Variants in PDK1 observed in about 807,000 individuals in gnomAD.
PDK1 encodes the protein [Pyruvate dehydrogenase (acetyl-transferring)] kinase isozyme 1, mitochondrial.
In PDK1, 39 loss-of-function variants were observed where a neutral mutation model predicts 54.2. That is an observed-to-expected ratio of 0.72 (90% CI 0.56 to 0.94). PDK1 has a LOEUF of 0.94. Ranked by LOEUF, PDK1 falls within the 40% of genes least tolerant of loss-of-function variation. The pLI is 0.00. For synonymous variants in PDK1, 221 were observed against 207.1 expected, an observed-to-expected ratio of 1.07 and a Z score of -0.58; for missense variants, 552 against 566.0, an observed-to-expected ratio of 0.98 and a Z score of 0.25.
At chr2:172,565,115 T>A (rs1265022133) in intron 5 of PDK1, 42 bp downstream of exon 5, 1 of 1,169,318 alleles carries the variant, frequency 8.6e-7, no homozygotes, top group Non-Finnish European at 1.3e-6. Context: ...GATACAAAAA[T>A]CAAAATTATT....
At chr2:172,556,384 T>A (rs2149170590) in intron 1 of PDK1, 38 bp downstream of exon 1, 1 of 1,354,392 alleles carries the variant, frequency 7.4e-7, no homozygotes, top group Non-Finnish European at 9.6e-7. Flanking sequence ...TTTTGCGCGG[T>A]CCCGGGCGGG....
At chr2:172,668,904 TATAG>T in the PDK1 span, among the ~76,000 whole-genome samples, 761 of 69,792 alleles carry the variant, frequency 0.011, 1 homozygote, top group South Asian at 0.017. Context: ...CATATATATA[TATAG>T]AGAGAGAGAG....
At chr2:172,710,334 CTG>C in the PDK1 span, among the ~76,000 whole-genome samples, 2 of 152,178 alleles carry the variant, frequency 1.3e-5, no homozygotes, top group Non-Finnish European at 2.9e-5. Flanking sequence ...AACAAGAAGA[CTG>C]AAAGCATAAT....
At chr2:172,685,796 TTCC>T in the PDK1 span, among the ~76,000 whole-genome samples, 766 of 152,298 alleles carry the variant, frequency 5.0e-3, 6 homozygotes, top group East Asian at 0.023. Flanking sequence ...ACCTCCAAAA[TTCC>T]ATACCACCTC....
the PDK1 span, among the ~76,000 whole-genome samples, chr2:172,669,697 T>TTAATAGATG: frequency 6.6e-6 from 1 of 152,206 alleles, no homozygotes; most frequent in African/African-American, 2.4e-5. Flanking sequence ...AATAGCAAAT[T>TTAATAGATG]TAATAGATGT....
At position 172,586,144 on chromosome 2, in the gene PDK1, G is replaced by A. The variant is rs565262825; in HGVS notation, c.946-134G>A. 7.4e-4 allele frequency: 371 copies of A among 498,950 alleles called. 1 individual carries two copies. Among genetic ancestry groups the A allele is most frequent in the African/African-American group, 6.6e-3 (325 of 49,148 alleles). The allele number at this position is 498,950 out of a possible 1,614,324, so 30.9% of individuals were successfully genotyped here. A position where few individuals can be genotyped will look rare whatever the true frequency, so the allele number is the denominator to read the frequency against. ...ACTGCACTCCAGCCTGGGCGACAAA[G>A]CGAGACTCTGTCTCAAAAAAAAAAA... On this transcript the variant is annotated intron_variant, in intron 8 of 10. Transcript: ENST00000282077.
At chr2:172,722,207 A>G in the PDK1 span, among the ~76,000 whole-genome samples, 4 of 152,242 alleles carry the variant, frequency 2.6e-5, no homozygotes, top group Admixed American at 6.5e-5. Context: ...ACTGTGCAGA[A>G]TGGAACTCAT....
At position 172,584,560 on chromosome 2, in the gene PDK1, G is replaced by C. The variant is rs957750481; in HGVS notation, c.946-1718G>C. Among the ~76,000 whole-genome samples the C allele has an allele frequency of 2.0e-5, 3 of 147,676 alleles. No homozygotes were observed. The Admixed American group carries it at 2.0e-4, about 10-fold the overall frequency. On this transcript the variant is annotated intron_variant, in intron 8 of 10. Coordinates refer to ENST00000282077, the MANE Select transcript of PDK1 (RefSeq NM_002610.5). ...TATTCTGCATAGAGCTGTGATGGAT[G>C]TTCTCATATATACTTTGCATGCTTT...
chr2:172,599,965 C>T lies in PDK1; in HGVS notation c.*3996C>T, dbSNP rs892608378. On this transcript the variant is annotated 3_prime_UTR_variant, in exon 11 of 11. Coordinates refer to ENST00000282077, the MANE Select transcript of PDK1 (RefSeq NM_002610.5). ...TTCACCCCAGTAAAATAAACTTCCA[C>T]GTGAGAGTTGTGTTCATTCAAGGGT... 2.6e-5 allele frequency: 4 copies of T among 152,136 alleles called. No homozygotes were observed. The highest frequency in any genetic ancestry group is 6.6e-5 in the Admixed American group (1 of 15,260). 9.4% of individuals were successfully genotyped at this position (152,136 alleles called of 1,614,324 possible).
chr2:172,694,804 A>T, the PDK1 span, among the ~76,000 whole-genome samples: 1 of 152,176 alleles, frequency 6.6e-6, no homozygotes, highest in Admixed American at 6.5e-5. Flanking sequence ...TAATATTAGA[A>T]GTGTTTTAGT....
At chr2:172,693,151 G>A in the PDK1 span, among the ~76,000 whole-genome samples, 1 of 152,194 alleles carries the variant, frequency 6.6e-6, no homozygotes, top group Non-Finnish European at 1.5e-5. Flanking sequence ...CTGTGCCCGT[G>A]GCTAGCTCAG....
intron 8 of PDK1, among the ~76,000 whole-genome samples, chr2:172,581,533 T>A (rs1010141836): frequency 4.6e-5 from 7 of 152,172 alleles, no homozygotes; most frequent in African/African-American, 1.7e-4. Flanking sequence ...CTTGTAAAGG[T>A]CTCAAAAAGA....
At chr2:172,560,037 G>A (rs1688571394) in intron 2 of PDK1, among the ~76,000 whole-genome samples, 2 of 152,172 alleles carry the variant, frequency 1.3e-5, no homozygotes, top group Admixed American at 6.5e-5. Context: ...CAGAGATGGG[G>A]TTTTTCCATG....
At chr2:172,703,549 C>A in the PDK1 span, among the ~76,000 whole-genome samples, 1 of 151,936 alleles carries the variant, frequency 6.6e-6, no homozygotes, top group East Asian at 1.9e-4. Flanking sequence ...TCTGACCCAA[C>A]CCGACAATAA....
intron 5 of PDK1, 48 bp downstream of exon 5, chr2:172,565,121 T>C (rs1213127700): frequency 1.8e-6 from 2 of 1,098,604 alleles, no homozygotes; most frequent in African/African-American, 3.1e-5. Flanking sequence ...AAAATCAAAA[T>C]TATTGTTATT....
chr2:172,669,051 ATTTTTTTTT>A, the PDK1 span, among the ~76,000 whole-genome samples: 4 of 70,550 alleles, frequency 5.7e-5, 1 homozygote, highest in Admixed American at 3.9e-4. Flanking sequence ...GAATTTCCTG[ATTTTTTTTT>A]TTTTTTTTTT....
Position 172,558,825 on chromosome 2 carries a change from C to T in PDK1, c.314C>T (p.Pro105Leu), listed in dbSNP as rs765540973. Residue 105 changes from proline (P) to leucine (L), a missense_variant, in exon 2 of 11, where the codon CCA becomes CTA. Physicochemically the swap from Pro to Leu is moderately conservative, Grantham distance 98 (BLOSUM62 -3). Coordinates refer to ENST00000282077, the MANE Select transcript of PDK1 (RefSeq NM_002610.5). ...SLLPDNLLRT[P>L]SVQLVQSWYI... ...CTTCCAGATAATCTTCTCAGGACACCATCCGTTCAATTGGTACAAAGCTGG... is the reference window on the plus strand; with the variant it reads ...CTTCCAGATAATCTTCTCAGGACACTATCCGTTCAATTGGTACAAAGCTGG... 1.9e-6 allele frequency: 3 copies of T among 1,611,718 alleles called. No individual in the cohort carries two copies. Among genetic ancestry groups the T allele is most frequent in the Admixed American group, 1.7e-5 (1 of 59,424 alleles).
the PDK1 span, among the ~76,000 whole-genome samples, chr2:172,642,164 G>A: frequency 6.6e-6 from 1 of 152,238 alleles, no homozygotes; most frequent in Middle Eastern, 3.4e-3. Flanking sequence ...GGAATGGAGC[G>A]TCTATGGTGT....
the PDK1 span, among the ~76,000 whole-genome samples, chr2:172,663,542 T>C: frequency 2.0e-5 from 3 of 151,646 alleles, no homozygotes; most frequent in Non-Finnish European, 4.4e-5. Context: ...AAATCACAGC[T>C]CACTGCAGCC....
Sources: gnomAD v4.1 joint callset for allele counts (sites outside exome capture counted in the v4.1 genomes callset) on GRCh38, gnomAD v4.1.1 for gene constraint, MANE v1.5 for transcripts, NCBI Gene and HGNC (gene_info 2026-07-23, HGNC 2026-07-21) for gene names.